Variants in FANCC observed in about 807,000 individuals in gnomAD.
The protein encoded by FANCC is FA complementation group C.
Under a neutral mutation model 71.3 loss-of-function variants are expected in FANCC, and 55 were observed. That is an observed-to-expected ratio of 0.77 (90% CI 0.62 to 0.97). The LOEUF is 0.97. Ranked by LOEUF, FANCC falls within the 50% of genes least tolerant of loss-of-function variation. FANCC has a pLI of 0.00. For missense variants in FANCC, 678 were observed against 670.9 expected (o/e 1.01, Z -0.12); for synonymous variants, 275 against 244.9 (o/e 1.12, Z -1.15).
intron 6 of FANCC, among the ~76,000 whole-genome samples, chr9:95,164,796 A>T (rs1830968877): frequency 6.6e-6 from 1 of 152,154 alleles, no homozygotes; most frequent in African/African-American, 2.4e-5. Context: ...ATGCTTGCTC[A>T]CAAAATGAGT....
chr9:95,305,594 C>A (rs768178777), intron 1 of FANCC, among the ~76,000 whole-genome samples: 4 of 152,142 alleles, frequency 2.6e-5, no homozygotes, highest in Non-Finnish European at 5.9e-5. Context: ...TTGAACAATG[C>A]AACTGAGTTC....
chr9:95,161,380 A>C (rs1391136886), intron 6 of FANCC, among the ~76,000 whole-genome samples: 1 of 150,440 alleles, frequency 6.6e-6, no homozygotes, highest in African/African-American at 2.5e-5. Context: ...TGGCAACCTC[A>C]ATCAACACTA....
At chr9:95,207,173 G>A (rs540526896) in intron 4 of FANCC, among the ~76,000 whole-genome samples, 17 of 152,288 alleles carry the variant, frequency 1.1e-4, no homozygotes, top group African/African-American at 3.8e-4. Context: ...CTATATCAGG[G>A]TGCCTGCCTT....
At chr9:95,108,554 A>G (rs1261687209) in intron 13 of FANCC, among the ~76,000 whole-genome samples, 3 of 152,206 alleles carry the variant, frequency 2.0e-5, no homozygotes, top group Non-Finnish European at 2.9e-5. Flanking sequence ...GTCCATGCTC[A>G]TGGGCTTCCA....
At chr9:95,232,571 A>G (rs889228070) in intron 4 of FANCC, among the ~76,000 whole-genome samples, 2 of 152,186 alleles carry the variant, frequency 1.3e-5, no homozygotes, top group Admixed American at 6.5e-5. Flanking sequence ...TTTTCTTGCA[A>G]TTGTGTCCAT....
chr9:95,199,260 T>G (rs1436928698), intron 4 of FANCC, among the ~76,000 whole-genome samples: 1 of 151,878 alleles, frequency 6.6e-6, no homozygotes, highest in East Asian at 1.9e-4. Context: ...GTACTTAAAA[T>G]CCTTTCCTCC....
In FANCC at chr9:95,249,653, C is replaced by CT. The variant is rs1277815966; in HGVS notation, c.-78-285dup. ...CACAGCTGATAATACTTTATATCTT[C>CT]TTTTTAAGATTGAGCTATTTTTAAA... On this transcript the variant is annotated intron_variant, in intron 1 of 14. Coordinates refer to ENST00000289081, the MANE Select transcript of FANCC (RefSeq NM_000136.3). Among the ~76,000 whole-genome samples the CT allele has an allele frequency of 3.9e-5, 6 of 152,266 alleles. No individual in the cohort carries two copies. In the East Asian group the frequency reaches 9.6e-4, roughly 24 times the overall value.
intron 1 of FANCC, chr9:95,292,406 G>A (rs1834091034): frequency 1.9e-6 from 2 of 1,063,454 alleles, no homozygotes; most frequent in Non-Finnish European, 2.3e-6. Context: ...GCGCCGTCCC[G>A]GCGGCCACGA....
At chr9:95,236,993 T>A (rs774166412) in intron 4 of FANCC, among the ~76,000 whole-genome samples, 1 of 152,226 alleles carries the variant, frequency 6.6e-6, no homozygotes, top group Non-Finnish European at 1.5e-5. Context: ...ATCTTCTATC[T>A]TGCTGCATTT....
chr9:95,125,982 CTG>C (rs1825920237), intron 9 of FANCC, among the ~76,000 whole-genome samples: 1 of 152,212 alleles, frequency 6.6e-6, no homozygotes, highest in African/African-American at 2.4e-5. Context: ...AGCTTCATGG[CTG>C]TGAGCTCCTC....
rs2071052886 is a variant in FANCC, at chr9:95,100,962, C to T, written c.*745G>A. 4.3e-6 allele frequency: 1 copy of T among 233,078 alleles called. No homozygotes were observed. Among genetic ancestry groups the T allele is most frequent in the South Asian group, 1.8e-4 (1 of 5,530 alleles). The allele number at this position is 233,078 out of a possible 1,614,324, so 14.4% of individuals were successfully genotyped here. On this transcript the variant is annotated 3_prime_UTR_variant, in exon 15 of 15. Coordinates refer to ENST00000289081, the MANE Select transcript of FANCC (RefSeq NM_000136.3). ...TTCTTTATCAGGAATTTCCAATTCC[C>T]ATTTCCATTTAACAAGAGAACTAAC... is the stretch of plus-strand genomic sequence containing the variant.
intron 8 of FANCC, among the ~76,000 whole-genome samples, chr9:95,134,254 A>G (rs1320657222): frequency 6.6e-6 from 1 of 152,214 alleles, no homozygotes; most frequent in African/African-American, 2.4e-5. Flanking sequence ...ACAGTCTCCA[A>G]CTAGAAAGAG....
At chr9:95,246,711 C>T (rs978528066) in intron 3 of FANCC, among the ~76,000 whole-genome samples, 1 of 152,142 alleles carries the variant, frequency 6.6e-6, no homozygotes, top group Non-Finnish European at 1.5e-5. Context: ...CAGCTCCTAC[C>T]TCAGGCCAGT....
intron 8 of FANCC, chr9:95,126,887 T>C (rs1588108060): frequency 2.7e-6 from 1 of 366,706 alleles, no homozygotes; most frequent in Non-Finnish European, 5.2e-6. Flanking sequence ...ACTTTAAACA[T>C]CCCTCTGCCC....
intron 4 of FANCC, among the ~76,000 whole-genome samples, chr9:95,225,284 T>C (rs1425486120): frequency 6.6e-6 from 1 of 152,232 alleles, no homozygotes; most frequent in East Asian, 1.9e-4. Context: ...ACGTCACTGT[T>C]TAAATTTACT....
At chr9:95,255,982 GA>G (rs201189360) in intron 1 of FANCC, among the ~76,000 whole-genome samples, 12 of 146,936 alleles carry the variant, frequency 8.2e-5, no homozygotes, top group East Asian at 6.0e-4. Context: ...GAAGGTTAGA[GA>G]AAAAAAAAAT....
chr9:95,126,253 A>G (rs1825959864), intron 9 of FANCC, among the ~76,000 whole-genome samples: 2 of 152,206 alleles, frequency 1.3e-5, no homozygotes, highest in South Asian at 4.1e-4. Flanking sequence ...ATATTTCATG[A>G]TATTAATGCC....
chr9:95,160,520 T>C (rs1236961884), intron 6 of FANCC, among the ~76,000 whole-genome samples: 2 of 152,230 alleles, frequency 1.3e-5, no homozygotes. Flanking sequence ...GGCTCTTTTT[T>C]GGTTCCACAT....
chr9:95,298,164 C>G (rs892530307), intron 1 of FANCC, among the ~76,000 whole-genome samples: 5 of 151,790 alleles, frequency 3.3e-5, no homozygotes, highest in Non-Finnish European at 5.9e-5. Flanking sequence ...AGAAAAGCAC[C>G]CAGATAAGAG....
Sources: allele counts gnomAD v4.1 joint callset (sites outside exome capture counted in the v4.1 genomes callset), GRCh38; gene constraint gnomAD v4.1.1; transcripts MANE v1.5; gene names NCBI Gene and HGNC (gene_info 2026-07-23, HGNC 2026-07-21).